ARPP21: variants seen among roughly 807,000 people sequenced by gnomAD.
ARPP21 encodes the protein cAMP-regulated phosphoprotein 21.
Under a neutral mutation model 113.2 loss-of-function variants are expected in ARPP21, and 69 were observed. That is an observed-to-expected ratio of 0.61 (90% CI 0.50 to 0.74). ARPP21 has a LOEUF of 0.74. Ranked by LOEUF, ARPP21 falls within the 30% of genes least tolerant of loss-of-function variation. The probability of loss-of-function intolerance (pLI) is 0.00; values close to 1 mark genes in which losing one functional copy is unlikely to be tolerated. For synonymous variants in ARPP21, 368 were observed against 375.5 expected (o/e 0.98, Z 0.23); for missense variants, 1,070 against 1,037.4 (o/e 1.03, Z -0.43).
chr3:35,753,940 T>G (rs918168004), intron 19 of ARPP21, among the ~76,000 whole-genome samples: 2 of 151,448 alleles, frequency 1.3e-5, no homozygotes, highest in African/African-American at 2.4e-5. Flanking sequence ...GACTGATTAA[T>G]GTAATTGTCA....
intron 11 of ARPP21, among the ~76,000 whole-genome samples, chr3:35,711,722 G>C (rs551389008): frequency 2.8e-4 from 43 of 152,220 alleles, no homozygotes; most frequent in African/African-American, 1.0e-3. Context: ...TTATTGGAAG[G>C]CCTCAATTCT....
chr3:35,756,033 A>G (rs1190412062), intron 19 of ARPP21, among the ~76,000 whole-genome samples: 1 of 152,122 alleles, frequency 6.6e-6, no homozygotes, highest in Non-Finnish European at 1.5e-5. Flanking sequence ...CTACAGGGAC[A>G]CAAACGCAAA....
At chr3:35,717,884 A>G (rs2092627157) in intron 13 of ARPP21, among the ~76,000 whole-genome samples, 1 of 152,152 alleles carries the variant, frequency 6.6e-6, no homozygotes, top group South Asian at 2.1e-4. Flanking sequence ...GGATAGGATG[A>G]TAATTTTTTT....
rs370745413 is a variant in ARPP21, at chr3:35,739,452, A to T, written c.1885A>T (p.Ile629Phe). 10 of 1,613,992 alleles carry T rather than the reference A, an allele frequency of 6.2e-6. No individual in the cohort carries two copies. Among genetic ancestry groups the T allele is most frequent in the Non-Finnish European group, 8.5e-7 (1 of 1,180,044 alleles). The change falls in exon 18 of 21, where the codon ATC (isoleucine) becomes TTC (phenylalanine). Residue 629 changes from isoleucine (I) to phenylalanine (F), a missense_variant. Ile to Phe is a conservative substitution (Grantham distance 21). Transcript: ENST00000684406. ...GCCGGCCCAGCAGCCCAGCTATGTA[A>T]TCGCCTCTACAGGCCAGCAGCTTCC... ...PQPAQQPSYV[I>F]ASTGQQLPTG...
chr3:35,756,343 A>G (rs1393544377), intron 19 of ARPP21, among the ~76,000 whole-genome samples: 1 of 152,110 alleles, frequency 6.6e-6, no homozygotes, highest in Non-Finnish European at 1.5e-5. Context: ...GAGTGGGTTC[A>G]CTAGTTGGTT....
intron 13 of ARPP21, among the ~76,000 whole-genome samples, chr3:35,719,065 C>A (rs1426495000): frequency 6.6e-6 from 1 of 151,842 alleles, no homozygotes; most frequent in Non-Finnish European, 1.5e-5. Flanking sequence ...GACCAGATAT[C>A]CCATTGCTAT....
intron 19 of ARPP21, among the ~76,000 whole-genome samples, chr3:35,758,085 A>G (rs2151225292): frequency 6.6e-6 from 1 of 152,262 alleles, no homozygotes; most frequent in African/African-American, 2.4e-5. Context: ...CACAATTTTA[A>G]TAGTAATAAT....
chr3:35,790,559 C>T (rs1212221333), intron 19 of ARPP21, among the ~76,000 whole-genome samples: 5 of 152,164 alleles, frequency 3.3e-5, no homozygotes, highest in Non-Finnish European at 1.5e-5. Flanking sequence ...CAAATGAGAA[C>T]AGAGAAGTAG....
intron 16 of ARPP21, 73 bp downstream of exon 16, chr3:35,737,435 A>AGAATCAG: frequency 1.0e-6 from 1 of 965,236 alleles, no homozygotes; most frequent in South Asian, 1.9e-5. Context: ...AGAGCAGCAG[A>AGAATCAG]GAATCAGGGA....
chr3:35,755,462 G>T (rs2095539679), intron 19 of ARPP21, among the ~76,000 whole-genome samples: 2 of 151,912 alleles, frequency 1.3e-5, no homozygotes, highest in African/African-American at 4.8e-5. Context: ...TGCTGCTCAT[G>T]TTATGTTTTA....
intron 11 of ARPP21, among the ~76,000 whole-genome samples, chr3:35,711,899 T>C (rs2091235529): frequency 6.6e-6 from 1 of 152,178 alleles, no homozygotes; most frequent in Non-Finnish European, 1.5e-5. Flanking sequence ...TAACCTAATC[T>C]TGGATATGAT....
At position 35,721,831 on chromosome 3, in the gene ARPP21, G is replaced by A. The variant is rs76948084; in HGVS notation, c.1222G>A (p.Ala408Thr). The part of the protein sequence containing the change: ...STRSTGKLSK[A>T]GSESSSSAGS... ...TAGGAGTACCGGGAAGCTGTCCAAA[G>A]CAGGTAGTTAGTACTGAATGTGTTT... is the stretch of plus-strand genomic sequence containing the variant. Residue 408 changes from alanine (A) to threonine (T), a missense_variant, in exon 14 of 21, where the codon GCA becomes ACA. Ala to Thr is a moderately conservative substitution (Grantham distance 58). Coordinates refer to ENST00000684406, the MANE Select transcript of ARPP21 (RefSeq NM_001385562.1). 1,593 of 1,597,210 alleles carry A rather than the reference G, an allele frequency of 1.0e-3. 27 individuals carry two copies. The East Asian group carries it at 0.027, about 27-fold the overall frequency.
In ARPP21 at chr3:35,739,357, G is replaced by A; in HGVS notation, c.1790G>A (p.Ser597Asn). The stretch of plus-strand genomic sequence containing the variant: ...ACACAGTTTGGCCAGATGACCCTGA[G>A]CCGGCAGTCCTCGGGGGAGACTCCT... ...VATQFGQMTL[S>N]RQSSGETPEP... The change falls in exon 18 of 21, where the codon AGC (serine) becomes AAC (asparagine). Residue 597 changes from serine to asparagine, a missense_variant. Physicochemically the swap from Ser to Asn is conservative, Grantham distance 46. Transcript: ENST00000684406. The A allele has an allele frequency of 6.2e-7, 1 of 1,614,112 alleles. No individual in the cohort carries two copies. Among genetic ancestry groups the A allele is most frequent in the Non-Finnish European group, 8.5e-7 (1 of 1,180,032 alleles).
intron 19 of ARPP21, among the ~76,000 whole-genome samples, chr3:35,778,685 G>C (rs2096449181): frequency 6.6e-6 from 1 of 151,962 alleles, no homozygotes; most frequent in Non-Finnish European, 1.5e-5. Flanking sequence ...TGAGGAGATG[G>C]GGGAAAAGTC....
intron 15 of ARPP21, among the ~76,000 whole-genome samples, chr3:35,735,169 G>A (rs1372975388): frequency 6.6e-6 from 1 of 151,986 alleles, no homozygotes; most frequent in Non-Finnish European, 1.5e-5. Flanking sequence ...ACCCAGGCTG[G>A]AGTGCAGTGG....
chr3:35,794,243 T>TCC lies in ARPP21; in HGVS notation c.*287_*288dup, dbSNP rs1349305277. 9.9e-6 allele frequency: 4 copies of TCC among 402,464 alleles called. No homozygotes were observed. Among genetic ancestry groups the TCC allele is most frequent in the African/African-American group, 7.9e-5 (4 of 50,482 alleles). 24.9% of individuals were successfully genotyped at this position (402,464 alleles called of 1,614,324 possible). ...GAATACCACTGTGTAGATTATAATA[T>TCC]CCCTAATTTGGATTAGTTTTGTACT... On this transcript the variant is annotated 3_prime_UTR_variant, in exon 21 of 21. Coordinates refer to ENST00000684406, the MANE Select transcript of ARPP21 (RefSeq NM_001385562.1).
chr3:35,715,109 G>A (rs2092162905), intron 11 of ARPP21: 2 of 234,550 alleles, frequency 8.5e-6, no homozygotes, highest in South Asian at 1.4e-4. Context: ...CAGCTCTGCA[G>A]CTCCAGAAGA....
In ARPP21 at chr3:35,709,904, C is replaced by G. The variant is rs548262555; in HGVS notation, c.897+834C>G. 2.6e-5 allele frequency among the ~76,000 whole-genome samples: 4 copies of G among 152,268 alleles called. No homozygotes were observed. The South Asian group carries it at 8.3e-4, about 32-fold the overall frequency. On this transcript the variant is annotated intron_variant, in intron 11 of 20. Coordinates refer to ENST00000684406, the MANE Select transcript of ARPP21 (RefSeq NM_001385562.1). ...CTGAGTCTAGTGGAATATCTGATCT[C>G]CTGCTGTGATCTGCTTCTGGAGACA...
rs766474107 is a variant in ARPP21 at position 35,681,814 on chromosome 3, G to A, written c.63G>A (p.Thr21=). ...AGGAAGGAGGGACTGAGCAGGAGAC[G>A]GCCACTCCAGAGAACGGCATTGTTA... is the stretch of plus-strand genomic sequence containing the variant. ...IAEEGGTEQE[T]ATPENGIVKS... The change falls in exon 3 of 21, where the codon ACG becomes ACA. Residue 21 remains threonine, a synonymous_variant. Coordinates refer to ENST00000684406, the MANE Select transcript of ARPP21 (RefSeq NM_001385562.1). The A allele has an allele frequency of 3.4e-5, 55 of 1,611,618 alleles. No individual in the cohort carries two copies. Among genetic ancestry groups the A allele is most frequent in the African/African-American group, 1.1e-4 (8 of 74,754 alleles).
Sources: allele counts gnomAD v4.1 joint callset (sites outside exome capture counted in the v4.1 genomes callset), GRCh38; gene constraint gnomAD v4.1.1; transcripts MANE v1.5; gene names NCBI Gene and HGNC (gene_info 2026-07-23, HGNC 2026-07-21).